The following TSHZ1 variants were observed in gnomAD, a reference collection of about 807,000 sequenced individuals.
TSHZ1 encodes teashirt homolog 1.
A neutral mutation model predicts 67.1 loss-of-function variants in TSHZ1; 12 were observed. That is an observed-to-expected ratio of 0.18 (90% confidence interval 0.11 to 0.29). The LOEUF (loss-of-function observed/expected upper bound fraction) is 0.29, where lower values mean the gene tolerates loss of function less well. TSHZ1 is among the 10% of genes least tolerant of loss of function. The pLI, the probability that TSHZ1 is intolerant of heterozygous loss-of-function variation, is 1.00. For synonymous variants in TSHZ1, 632 were observed against 622.4 expected, an observed-to-expected ratio of 1.02 and a Z score of -0.23; for missense variants, 1,305 against 1,413.9, an observed-to-expected ratio of 0.92 and a Z score of 1.23.
intron 1 of TSHZ1, among the ~76,000 whole-genome samples, chr18:75,239,607 C>T (rs2023127448): frequency 6.6e-6 from 1 of 152,158 alleles, no homozygotes; most frequent in Admixed American, 6.5e-5. Flanking sequence ...CTCAAGGAAT[C>T]CTCCCACATC....
rs2023761534 is a variant in TSHZ1, at chr18:75,286,281, C to T, written c.874C>T (p.Arg292Cys). 2 of 1,612,638 alleles carry T rather than the reference C, an allele frequency of 1.2e-6. No homozygotes were observed. Among genetic ancestry groups the T allele is most frequent in the Non-Finnish European group, 1.7e-6 (2 of 1,178,976 alleles). Reference protein sequence around the residue: ...KTKRWSKPRKRSLMEMEGKED... With the variant: ...KTKRWSKPRKCSLMEMEGKED... ...CAAGAGGTGGTCCAAGCCCAGGAAG[C>T]GCTCCCTGATGGAGATGGAGGGGAA... Residue 292 changes from arginine to cysteine, a missense_variant, in exon 2 of 2, where the codon CGC becomes TGC. Physicochemically the swap from Arg to Cys is radical, Grantham distance 180 (BLOSUM62 -3). Coordinates refer to ENST00000580243, the MANE Select transcript of TSHZ1 (RefSeq NM_001308210.2). This position sits in a 1 kb window ranked among gnomAD's most constrained non-coding sequence, Gnocchi z 5.1.
intron 1 of TSHZ1, among the ~76,000 whole-genome samples, chr18:75,271,467 T>C (rs564300987): frequency 6.6e-6 from 1 of 152,232 alleles, no homozygotes; most frequent in African/African-American, 2.4e-5. Context: ...CCTGCAGAAT[T>C]CACTTCTCTG....
chr18:75,276,900 G>A (rs1017227144), intron 1 of TSHZ1, among the ~76,000 whole-genome samples: 2 of 152,168 alleles, frequency 1.3e-5, no homozygotes, highest in African/African-American at 2.4e-5. Context: ...TCTCACTTAC[G>A]TGTGCTAATG....
intron 1 of TSHZ1, among the ~76,000 whole-genome samples, chr18:75,255,389 A>G (rs570881615): frequency 6.6e-6 from 1 of 152,338 alleles, no homozygotes; most frequent in South Asian, 2.1e-4. Context: ...GGGTACATTT[A>G]TCTCAATAGG....
At chr18:75,223,551 C>T in intron 1 of TSHZ1, among the ~76,000 whole-genome samples, 1 of 151,928 alleles carries the variant, frequency 6.6e-6, no homozygotes, top group South Asian at 2.1e-4. Flanking sequence ...GCTTTCCTGG[C>T]CTGTCTTCTC....
At chr18:75,231,423 A>G (rs1296841174) in intron 1 of TSHZ1, among the ~76,000 whole-genome samples, 1 of 152,214 alleles carries the variant, frequency 6.6e-6, no homozygotes, top group Non-Finnish European at 1.5e-5. Context: ...TTTGTCCACT[A>G]CACCAGAACA....
chr18:75,246,261 A>C (rs2023220424), intron 1 of TSHZ1, among the ~76,000 whole-genome samples: 1 of 152,188 alleles, frequency 6.6e-6, no homozygotes, highest in Admixed American at 6.5e-5. Context: ...TAGTGCTAAA[A>C]TGTAGCTAAC....
intron 1 of TSHZ1, among the ~76,000 whole-genome samples, chr18:75,260,241 CA>C (rs2023414297): frequency 6.6e-6 from 1 of 152,210 alleles, no homozygotes; most frequent in Admixed American, 6.5e-5. Context: ...ATTTCAATAG[CA>C]AATATTTATT....
chr18:75,237,834 C>T (rs555918269), intron 1 of TSHZ1, among the ~76,000 whole-genome samples: 15 of 97,862 alleles, frequency 1.5e-4, no homozygotes, highest in South Asian at 4.0e-4. Context: ...ATTTTTGAGA[C>T]GGGGTTTCAC....
At position 75,287,171 on chromosome 18, in the gene TSHZ1, C is replaced by T. The variant is rs753557748; in HGVS notation, c.1764C>T (p.Thr588=). The T allele has an allele frequency of 5.0e-6, 8 of 1,613,620 alleles. No individual in the cohort carries two copies. Among genetic ancestry groups the T allele is most frequent in the African/African-American group, 1.3e-5 (1 of 74,934 alleles). Reference sequence around the variant, plus strand: ...ATGCAGCCTACCAGCTCCCGGGCACCGTGAAGCCACTGCCGGCGGCCGTGC... The same window carrying T: ...ATGCAGCCTACCAGCTCCCGGGCACTGTGAAGCCACTGCCGGCGGCCGTGC... The part of the protein sequence containing the change: ...SIHAAYQLPG[T]VKPLPAAVQS... Residue 588 remains threonine, a synonymous_variant, in exon 2 of 2, where the codon ACC becomes ACT. Coordinates refer to ENST00000580243, the MANE Select transcript of TSHZ1 (RefSeq NM_001308210.2). This position sits in a 1 kb window ranked among gnomAD's most constrained non-coding sequence, Gnocchi z 5.0.
rs762049001 is a variant in TSHZ1, at chr18:75,288,587, C to T, written c.3180C>T (p.His1060=). 39 of 1,612,740 alleles carry T rather than the reference C, an allele frequency of 2.4e-5. No homozygotes were observed. The highest frequency in any genetic ancestry group is 2.6e-5 in the Non-Finnish European group (31 of 1,179,494). Residue 1060 remains histidine (H), a synonymous_variant, in exon 2 of 2, where the codon CAC becomes CAT. Transcript: ENST00000580243. This position sits in a 1 kb window ranked among gnomAD's most constrained non-coding sequence, Gnocchi z 4.9. ...HAVKLHLSKT[H]GKSPEDHLIY... Reference sequence around the variant, plus strand: ...TCAAACTGCACCTTAGTAAGACCCACGGCAAGTCTCCCGAGGACCACCTGA... The same window carrying T: ...TCAAACTGCACCTTAGTAAGACCCATGGCAAGTCTCCCGAGGACCACCTGA...
At chr18:75,254,055 G>A (rs1460282007) in intron 1 of TSHZ1, among the ~76,000 whole-genome samples, 2 of 152,194 alleles carry the variant, frequency 1.3e-5, no homozygotes, top group Non-Finnish European at 2.9e-5. Flanking sequence ...TGTGTTTGGG[G>A]TAGTTTTTCA....
intron 1 of TSHZ1, among the ~76,000 whole-genome samples, chr18:75,279,809 C>T (rs369212927): frequency 2.9e-4 from 44 of 152,238 alleles, no homozygotes; most frequent in African/African-American, 1.0e-3. Context: ...ATTCTCCGTG[C>T]TCCCCAGTTC....
intron 1 of TSHZ1, among the ~76,000 whole-genome samples, chr18:75,234,572 A>G (rs2023042562): frequency 6.6e-6 from 1 of 151,798 alleles, no homozygotes; most frequent in Admixed American, 6.6e-5. Context: ...GGGCTTCTGC[A>G]TGGTTATTTG....
chr18:75,220,307 C>T (rs1254025273), intron 1 of TSHZ1, among the ~76,000 whole-genome samples: 3 of 152,082 alleles, frequency 2.0e-5, no homozygotes, highest in Non-Finnish European at 4.4e-5. Flanking sequence ...CATCCTGAAC[C>T]GACTCTTTTT....
Position 75,285,539 on chromosome 18 carries a change from G to T in TSHZ1, c.132G>T (p.Glu44Asp). The T allele has an allele frequency of 6.4e-7, 1 of 1,570,474 alleles. No individual in the cohort carries two copies. The change falls in exon 2 of 2, where the codon GAG becomes GAT. Residue 44 changes from glutamate (E) to aspartate (D), a missense_variant. By Grantham distance (45) the Glu-to-Asp change is conservative. Coordinates refer to ENST00000580243, the MANE Select transcript of TSHZ1 (RefSeq NM_001308210.2). ...TGTCTTTGGACATTCAGGAAAGTGA[G>T]TACATGTGCAATGAAGAGACGGAGA... The part of the protein sequence containing the change: ...DGLSLDIQES[E>D]YMCNEETEIK...
chr18:75,280,620 C>G (rs1045602218), intron 1 of TSHZ1: 1 of 371,994 alleles, frequency 2.7e-6, no homozygotes, highest in Non-Finnish European at 3.7e-6. Context: ...TCCTGTGTTA[C>G]TTTGGGGAAG....
chr18:75,236,960 GT>G (rs1191203722), intron 1 of TSHZ1, among the ~76,000 whole-genome samples: 1 of 152,192 alleles, frequency 6.6e-6, no homozygotes, highest in African/African-American at 2.4e-5. Flanking sequence ...TAAAGCTTTA[GT>G]TTTTGTCATC....
chr18:75,239,540 G>A (rs1316053986), intron 1 of TSHZ1, among the ~76,000 whole-genome samples: 2 of 152,212 alleles, frequency 1.3e-5, no homozygotes, highest in South Asian at 2.1e-4. Context: ...TGGCTCTGTC[G>A]TCCAGGCTGG....
Sources: gnomAD v4.1 joint callset for allele counts (sites outside exome capture counted in the v4.1 genomes callset) on GRCh38, gnomAD v4.1.1 for gene constraint, Gnocchi (gnomAD v3.1) non-coding constraint, MANE v1.5 for transcripts, NCBI Gene and HGNC (gene_info 2026-07-23, HGNC 2026-07-21) for gene names.